Variants in UTRN observed in about 807,000 individuals in gnomAD.
UTRN encodes dystrophin-related protein 1.
A neutral mutation model predicts 463.9 loss-of-function variants in UTRN; 283 were observed. The observed-to-expected ratio is 0.61, with a 90% CI of 0.55 to 0.67. The LOEUF is 0.67. UTRN is among the 30% of genes least tolerant of loss of function. UTRN has a pLI of 0.00. For synonymous variants in UTRN, 1,442 were observed against 1,431.5 expected, an observed-to-expected ratio of 1.01 and a Z score of -0.17; for missense variants, 3,922 against 4,084.3, an observed-to-expected ratio of 0.96 and a Z score of 1.08.
intron 13 of UTRN, among the ~76,000 whole-genome samples, chr6:144,441,817 C>T (rs971753179): frequency 8.5e-5 from 13 of 152,204 alleles, no homozygotes; most frequent in African/African-American, 2.9e-4. Context: ...TGGATGTTCC[C>T]AAACCTCAAT....
At chr6:144,728,213 T>A (rs1788114430) in intron 53 of UTRN, among the ~76,000 whole-genome samples, 1 of 152,112 alleles carries the variant, frequency 6.6e-6, no homozygotes, top group Non-Finnish European at 1.5e-5. Context: ...CTATATTACC[T>A]GCTGGTTTTC....
At chr6:144,326,572 AT>A (rs1257542698) in intron 2 of UTRN, among the ~76,000 whole-genome samples, 1 of 152,186 alleles carries the variant, frequency 6.6e-6, no homozygotes, top group East Asian at 1.9e-4. Context: ...CTTGTGGTAT[AT>A]TTAGCTCACT....
intron 2 of UTRN, among the ~76,000 whole-genome samples, chr6:144,332,446 T>C (rs926076328): frequency 1.3e-5 from 2 of 152,188 alleles, no homozygotes; most frequent in African/African-American, 4.8e-5. Context: ...CTGTTTATTC[T>C]TTGAAATTTG....
chr6:144,851,720 A>C lies in UTRN; in HGVS notation c.*723A>C, dbSNP rs1782495133. The C allele has an allele frequency of 6.6e-6, 1 of 152,120 alleles. No homozygotes were observed. The highest frequency in any genetic ancestry group is 2.1e-4 in the South Asian group (1 of 4,826). 9.4% of individuals were successfully genotyped at this position (152,120 alleles called of 1,614,324 possible). A position where few individuals can be genotyped will look rare whatever the true frequency, so the allele number is the denominator to read the frequency against. On this transcript the variant is annotated 3_prime_UTR_variant, in exon 75 of 75. Transcript: ENST00000367545. ...CCGTAATAAAAATCCTATAAGCCTA[A>C]ATGGCATTTCTTTTGGGATATTTTT...
At chr6:144,635,530 C>CTTTTTTTTTTTTTTT (rs1562685915) in intron 51 of UTRN, among the ~76,000 whole-genome samples, 14 of 59,092 alleles carry the variant, frequency 2.4e-4, no homozygotes, top group Admixed American at 4.8e-4. Flanking sequence ...TTTTTTTTTT[C>CTTTTTTTTTTTTTTT]TTTTCTTTTT....
intron 71 of UTRN, 37 bp from the exon 72 acceptor site, chr6:144,839,136 A>T: frequency 6.6e-7 from 1 of 1,516,646 alleles, no homozygotes; most frequent in East Asian, 2.3e-5. Context: ...GATTATTTGA[A>T]TCCTTTCTCT....
At chr6:144,757,376 C>T (rs1171546820) in intron 57 of UTRN, among the ~76,000 whole-genome samples, 14 of 151,782 alleles carry the variant, frequency 9.2e-5, no homozygotes, top group South Asian at 2.1e-4. Context: ...TCTGCCTAGA[C>T]GATTGCCTTG....
chr6:144,337,295 T>C (rs1409401053), intron 2 of UTRN, among the ~76,000 whole-genome samples: 1 of 152,162 alleles, frequency 6.6e-6, no homozygotes, highest in Non-Finnish European at 1.5e-5. Flanking sequence ...CTACTCCTTC[T>C]ATCTCCTGGT....
rs147249371 is a variant in UTRN at position 144,289,281 on chromosome 6, A to G, written c.-92-2456A>G. 5.6e-3 allele frequency among the ~76,000 whole-genome samples: 857 copies of G among 152,312 alleles called. 6 individuals are homozygous for G. Among genetic ancestry groups the G allele is most frequent in the African/African-American group, 0.02 (816 of 41,572 alleles). On this transcript the variant is annotated intron_variant, in intron 1 of 74. Coordinates refer to ENST00000367545, the MANE Select transcript of UTRN (RefSeq NM_007124.3). ...GGGAGTCATTTTGCACATTTTGCAC[A>G]TTGGATATGAATCTCTCATATCCAA...
intron 53 of UTRN, among the ~76,000 whole-genome samples, chr6:144,719,711 G>T (rs866206367): frequency 6.6e-6 from 1 of 152,338 alleles, no homozygotes. Context: ...TGTATTAGGA[G>T]ATGACATCAG....
rs11155355 is a variant in UTRN, at chr6:144,372,207, A to G, written c.80-30916A>G. On this transcript the variant is annotated intron_variant, in intron 2 of 74. Transcript: ENST00000367545. ...CTTATTTTATTTAGTGCCTATTGCT[A>G]TAGCATCTAATGAGCTCAGCGCTTC... Among the ~76,000 whole-genome samples, 92 of 152,374 alleles carry G rather than the reference A, an allele frequency of 6.0e-4. 1 individual carries two copies. In the East Asian group the frequency reaches 0.017, roughly 27 times the overall value.
At chr6:144,804,611 A>G (rs1314146272) in intron 65 of UTRN, among the ~76,000 whole-genome samples, 3 of 152,206 alleles carry the variant, frequency 2.0e-5, no homozygotes, top group Non-Finnish European at 4.4e-5. Flanking sequence ...GTGAAAAATG[A>G]CAAAGCATTG....
chr6:144,839,105 A>C, intron 71 of UTRN, 68 bp from the exon 72 acceptor site: 3 of 1,283,306 alleles, frequency 2.3e-6, no homozygotes. Flanking sequence ...GGGAAGTTAA[A>C]AAGGAAATGT....
intron 2 of UTRN, among the ~76,000 whole-genome samples, chr6:144,390,107 AAATG>A: frequency 6.6e-6 from 1 of 152,248 alleles, no homozygotes; most frequent in East Asian, 1.9e-4. Flanking sequence ...CATCACAAAT[AAATG>A]GTAAATATGT....
intron 57 of UTRN, among the ~76,000 whole-genome samples, chr6:144,756,303 C>G (rs1791978751): frequency 6.6e-6 from 1 of 152,080 alleles, no homozygotes; most frequent in Admixed American, 6.6e-5. Context: ...TGATGAAATG[C>G]TATACTTTCA....
chr6:144,560,375 C>T (rs1167745990), intron 50 of UTRN, among the ~76,000 whole-genome samples: 1 of 152,022 alleles, frequency 6.6e-6, no homozygotes, highest in Non-Finnish European at 1.5e-5. Context: ...TGATTCTTAT[C>T]TGTGTTGAGT....
At chr6:144,580,004 A>G (rs12210566) in intron 51 of UTRN, among the ~76,000 whole-genome samples, 199 of 152,298 alleles carry the variant, frequency 1.3e-3, no homozygotes, top group African/African-American at 4.6e-3. Context: ...TATAGATAGA[A>G]GATTGTTAGA....
intron 54 of UTRN, among the ~76,000 whole-genome samples, chr6:144,738,170 ACTGACGGCCAT>A (rs1344493870): frequency 6.6e-6 from 1 of 152,168 alleles, no homozygotes; most frequent in Non-Finnish European, 1.5e-5. Context: ...ATCTGTGTTC[ACTGACGGCCAT>A]CTGGCCCCTA....
intron 51 of UTRN, among the ~76,000 whole-genome samples, chr6:144,657,721 C>T (rs970530230): frequency 9.2e-5 from 14 of 152,148 alleles, no homozygotes; most frequent in South Asian, 4.1e-4. Flanking sequence ...TGTTGTTCCA[C>T]GGAGTTTTTG....
Sources: gnomAD v4.1 joint callset for allele counts (sites outside exome capture counted in the v4.1 genomes callset) on GRCh38, gnomAD v4.1.1 for gene constraint, MANE v1.5 for transcripts, NCBI Gene and HGNC (gene_info 2026-07-23, HGNC 2026-07-21) for gene names.